BICRAL: variants seen among roughly 807,000 people sequenced by gnomAD.
BICRAL encodes the protein BICRA like chromatin remodeling complex associated protein, also known as BRD4-interacting chromatin-remodeling complex-associated protein-like.
In BICRAL, 8 loss-of-function variants were observed where a neutral mutation model predicts 91.8. The observed-to-expected ratio is 0.09, with a 90% CI of 0.05 to 0.16. The LOEUF is 0.16. BICRAL is among the 10% of genes least tolerant of loss of function. BICRAL has a pLI of 1.00. For synonymous variants in BICRAL, 445 were observed against 491.1 expected (o/e 0.91, Z 1.24); for missense variants, 1,038 against 1,310.9 (o/e 0.79, Z 3.21).
At chr6:42,758,663 T>C (rs1039067715) in intron 1 of BICRAL, among the ~76,000 whole-genome samples, 4 of 149,864 alleles carry the variant, frequency 2.7e-5, no homozygotes, top group African/African-American at 7.4e-5. Context: ...GAATCAGGAC[T>C]ATCTTTTGGG....
intron 1 of BICRAL, among the ~76,000 whole-genome samples, chr6:42,770,433 A>G (rs1349672222): frequency 2.9e-5 from 3 of 104,206 alleles, no homozygotes; most frequent in Non-Finnish European, 5.6e-5. Context: ...TTTTTTTTTG[A>G]GACGGAGCCT....
Position 42,866,893 on chromosome 6 carries a change from G to T in BICRAL, c.*1447G>T. 1 of 455,962 alleles carries T rather than the reference G, an allele frequency of 2.2e-6. No homozygotes were observed. The allele number at this position is 455,962 out of a possible 1,614,324, so 28.2% of individuals were successfully genotyped here. A position where few individuals can be genotyped will look rare whatever the true frequency, so the allele number is the denominator to read the frequency against. On this transcript the variant is annotated 3_prime_UTR_variant, in exon 13 of 13. Coordinates refer to ENST00000314073, the MANE Select transcript of BICRAL (RefSeq NM_001393499.1). The stretch of plus-strand genomic sequence containing the variant: ...TCTCCTCTCATTGGGAAAGCTACAT[G>T]ATAGTATTTTTATGCACTCTTCTCC...
intron 6 of BICRAL, among the ~76,000 whole-genome samples, chr6:42,851,557 A>G (rs1582873173): frequency 2.0e-5 from 3 of 152,188 alleles, no homozygotes; most frequent in Non-Finnish European, 4.4e-5. Flanking sequence ...TCTCAATTGC[A>G]TGCCACCTGA....
chr6:42,854,365 GTAGAGA>G (rs1013314482), intron 8 of BICRAL, among the ~76,000 whole-genome samples: 2 of 152,070 alleles, frequency 1.3e-5, no homozygotes, highest in African/African-American at 2.4e-5. Context: ...TGTATTTTTT[GTAGAGA>G]TAGGATTTTG....
rs139476960 is a variant in BICRAL at position 42,850,101 on chromosome 6, G to A, written c.1840-1991G>A. ...GTTTGTCAATGGTCAGGCATTGCCA[G>A]GGTCTATGTGAGCACTTACATGTGA... On this transcript the variant is annotated intron_variant, in intron 6 of 12. Coordinates refer to ENST00000314073, the MANE Select transcript of BICRAL (RefSeq NM_001393499.1). Among the ~76,000 whole-genome samples the A allele has an allele frequency of 2.4e-4, 36 of 152,188 alleles. 1 individual carries two copies. In the East Asian group the frequency reaches 5.6e-3, roughly 24 times the overall value.
chr6:42,747,090 GC>G (rs1360803249), intron 1 of BICRAL: 1 of 152,304 alleles, frequency 6.6e-6, no homozygotes, highest in East Asian at 1.9e-4. Context: ...GGTGGGAGAA[GC>G]GGTACATTAT....
intron 1 of BICRAL, among the ~76,000 whole-genome samples, chr6:42,798,195 AG>A (rs977569885): frequency 4.1e-5 from 6 of 146,424 alleles, no homozygotes; most frequent in African/African-American, 1.2e-4. Flanking sequence ...AAAAGGGGGT[AG>A]GGAGGGAGGG....
Position 42,845,194 on chromosome 6 carries a change from T to TG in BICRAL, c.1840-6897dup, listed in dbSNP as rs570247483. On this transcript the variant is annotated intron_variant, in intron 6 of 12. Coordinates refer to ENST00000314073, the MANE Select transcript of BICRAL (RefSeq NM_001393499.1). ...CCTTCTCTGTTTTTTGTTTTTTGGG[T>TG]GTTTTTTTTTTTTTTTTTTTTTTTT... Among the ~76,000 whole-genome samples, 93 of 93,314 alleles carry TG rather than the reference T, an allele frequency of 1.0e-3. 15 individuals are homozygous for TG. The highest frequency in any genetic ancestry group is 2.5e-3 in the South Asian group (6 of 2,426). 61.2% of individuals were successfully genotyped at this position (93,314 alleles called of 152,430 possible).
At chr6:42,818,240 C>T (rs1764050623) in intron 2 of BICRAL, among the ~76,000 whole-genome samples, 1 of 152,058 alleles carries the variant, frequency 6.6e-6, no homozygotes, top group African/African-American at 2.4e-5. Flanking sequence ...TTTTATTTCC[C>T]TTATTGTAAG....
At chr6:42,818,833 C>T (rs573913433) in intron 2 of BICRAL, among the ~76,000 whole-genome samples, 112 of 152,168 alleles carry the variant, frequency 7.4e-4, no homozygotes, top group South Asian at 1.4e-3. Context: ...CATTTTTACA[C>T]TGTGTCCTCT....
At chr6:42,814,235 G>GT (rs531185819) in intron 2 of BICRAL, among the ~76,000 whole-genome samples, 1,341 of 104,926 alleles carry the variant, frequency 0.013, 14 homozygotes, top group African/African-American at 0.019. Context: ...CTCTTGGTGG[G>GT]TTTTTTTTTT....
intron 1 of BICRAL, among the ~76,000 whole-genome samples, chr6:42,774,799 G>A (rs1762787000): frequency 6.6e-6 from 1 of 151,446 alleles, no homozygotes; most frequent in Non-Finnish European, 1.5e-5. Flanking sequence ...CAGAATACTT[G>A]TGAGGGTCAC....
chr6:42,756,943 T>G (rs1199911000), intron 1 of BICRAL, among the ~76,000 whole-genome samples: 1 of 105,222 alleles, frequency 9.5e-6, no homozygotes, highest in Non-Finnish European at 1.8e-5. Flanking sequence ...CCTCCCTCTC[T>G]CCCTCTCTCT....
intron 1 of BICRAL, among the ~76,000 whole-genome samples, chr6:42,785,712 G>T (rs1381129222): frequency 1.3e-5 from 2 of 152,154 alleles, no homozygotes; most frequent in African/African-American, 4.8e-5. Flanking sequence ...TGGGTTTTGG[G>T]AAGTAGGATA....
chr6:42,797,936 A>G (rs1232131974), intron 1 of BICRAL, among the ~76,000 whole-genome samples: 1 of 152,178 alleles, frequency 6.6e-6, no homozygotes, highest in East Asian at 1.9e-4. Context: ...CTATTGCATC[A>G]CTGCACTCCA....
chr6:42,852,661 CAAA>C lies in BICRAL; in HGVS notation c.1945+480_1945+482del, dbSNP rs70990155. Among the ~76,000 whole-genome samples the C allele has an allele frequency of 1.8e-4, 12 of 66,058 alleles. No individual in the cohort carries two copies. The Admixed American group carries it at 1.9e-3, about 10-fold the overall frequency. 43.3% of individuals were successfully genotyped at this position (66,058 alleles called of 152,430 possible). A position where few individuals can be genotyped will look rare whatever the true frequency, so the allele number is the denominator to read the frequency against. ...TGGGTGACAGGGCGAGACTCTGTCT[CAAA>C]AAAAAAAAAAAAAAACCCCACTAAG... On this transcript the variant is annotated intron_variant, in intron 7 of 12. Transcript: ENST00000314073.
chr6:42,854,844 T>G (rs956135595), intron 8 of BICRAL, among the ~76,000 whole-genome samples: 19 of 152,268 alleles, frequency 1.2e-4, no homozygotes, highest in South Asian at 6.2e-4. Flanking sequence ...TTGTTTGTTT[T>G]TTTGATACAT....
At chr6:42,747,792 T>C (rs1206442072) in intron 1 of BICRAL, among the ~76,000 whole-genome samples, 1 of 148,948 alleles carries the variant, frequency 6.7e-6, no homozygotes, top group Non-Finnish European at 1.5e-5. Context: ...TTTTTGCTTT[T>C]TTGTTTTATT....
intron 1 of BICRAL, among the ~76,000 whole-genome samples, chr6:42,776,327 G>T (rs1762806246): frequency 6.6e-6 from 1 of 150,972 alleles, no homozygotes; most frequent in African/African-American, 2.4e-5. Flanking sequence ...ATGAGCCACT[G>T]AGCCCGGCCC....
Sources: allele counts gnomAD v4.1 joint callset (sites outside exome capture counted in the v4.1 genomes callset), GRCh38; gene constraint gnomAD v4.1.1; transcripts MANE v1.5; gene names NCBI Gene and HGNC (gene_info 2026-07-23, HGNC 2026-07-21).